Variants in TRDN observed in about 807,000 individuals in gnomAD.
TRDN encodes triadin, also known as triadin in skeletal muscle.
Under a neutral mutation model 149.7 loss-of-function variants are expected in TRDN, and 161 were observed. The observed-to-expected ratio is 1.08, with a 90% CI of 0.95 to 1.23. The LOEUF (loss-of-function observed/expected upper bound fraction) is 1.23. TRDN is among the 50% of genes most tolerant of loss of function. TRDN has a pLI of 0.00. For missense variants in TRDN, 896 were observed against 823.5 expected, an observed-to-expected ratio of 1.09 and a Z score of -1.08; for synonymous variants, 294 against 250.5, an observed-to-expected ratio of 1.17 and a Z score of -1.64.
chr6:123,510,108 T>C (rs1231709700), intron 7 of TRDN: 1 of 152,232 alleles, frequency 6.6e-6, no homozygotes, highest in Non-Finnish European at 1.5e-5. Flanking sequence ...TCACTTGCAT[T>C]TATGAAACAG....
chr6:123,608,741 C>T (rs1784640752), intron 1 of TRDN, among the ~76,000 whole-genome samples: 1 of 152,050 alleles, frequency 6.6e-6, no homozygotes, highest in South Asian at 2.1e-4. Flanking sequence ...AACTGGGATA[C>T]GTTTTCTGGG....
intron 12 of TRDN, among the ~76,000 whole-genome samples, chr6:123,406,101 C>T (rs1381981790): frequency 6.6e-6 from 1 of 152,096 alleles, no homozygotes; most frequent in Non-Finnish European, 1.5e-5. Context: ...AGCACAAATG[C>T]ACAGATTAAA....
At chr6:123,328,811 G>T (rs1238096455) in intron 23 of TRDN, among the ~76,000 whole-genome samples, 1 of 152,058 alleles carries the variant, frequency 6.6e-6, no homozygotes, top group Non-Finnish European at 1.5e-5. Flanking sequence ...ATTGAGACTT[G>T]TGTAAAATCC....
chr6:123,475,354 C>A (rs1234372771), intron 9 of TRDN, among the ~76,000 whole-genome samples: 1 of 141,034 alleles, frequency 7.1e-6, no homozygotes, highest in Non-Finnish European at 1.5e-5. Context: ...CAAGACTAAA[C>A]CAGGAAGAAG....
chr6:123,415,840 A>G (rs544046028), intron 12 of TRDN, among the ~76,000 whole-genome samples: 36 of 152,326 alleles, frequency 2.4e-4, no homozygotes, highest in African/African-American at 8.7e-4. Flanking sequence ...CTACTGGGCT[A>G]AACTAAAAGA....
At chr6:123,548,697 T>A in intron 2 of TRDN, 85 bp from the exon 3 acceptor site, 1 of 1,142,940 alleles carries the variant, frequency 8.7e-7, no homozygotes, top group Non-Finnish European at 1.1e-6. Context: ...ACTGATTTGT[T>A]GTTTTGACAA....
chr6:123,416,698 C>CTT (rs139842688), intron 12 of TRDN, among the ~76,000 whole-genome samples: 4,659 of 146,142 alleles, frequency 0.032, 253 homozygotes, highest in African/African-American at 0.099. Flanking sequence ...TTCTTTTCCT[C>CTT]TTTTTTTCTT....
At chr6:123,349,810 T>C in intron 21 of TRDN, 2 of 985,220 alleles carry the variant, frequency 2.0e-6, no homozygotes, top group Non-Finnish European at 2.4e-6. Context: ...GACCAGTGCA[T>C]ACACAAAGAA....
chr6:123,560,258 A>G (rs6903803), intron 2 of TRDN, among the ~76,000 whole-genome samples: 6,155 of 152,082 alleles, frequency 0.04, 198 homozygotes, highest in African/African-American at 0.09. Flanking sequence ...TGCCCCCTCC[A>G]CTACCTCTCA....
intron 38 of TRDN, among the ~76,000 whole-genome samples, chr6:123,237,135 ATTTATACAT>A (rs550384778): frequency 1.2e-3 from 159 of 137,050 alleles, no homozygotes; most frequent in African/African-American, 5.7e-3. Flanking sequence ...TTTATACATA[ATTTATACAT>A]AAGTATTTCA....
chr6:123,561,651 C>G (rs1272773459), intron 2 of TRDN, among the ~76,000 whole-genome samples: 1 of 152,136 alleles, frequency 6.6e-6, no homozygotes, highest in Non-Finnish European at 1.5e-5. Context: ...TTCTCCTTCT[C>G]TTATTCCATT....
intron 5 of TRDN, among the ~76,000 whole-genome samples, chr6:123,526,991 C>T (rs996155530): frequency 6.6e-6 from 1 of 151,866 alleles, no homozygotes; most frequent in Admixed American, 6.6e-5. Context: ...TTATTTAATT[C>T]TTATGACAAC....
At chr6:123,284,837 A>G (rs1485781837) in intron 24 of TRDN, among the ~76,000 whole-genome samples, 1 of 152,114 alleles carries the variant, frequency 6.6e-6, no homozygotes, top group Non-Finnish European at 1.5e-5. Context: ...AAATTAATGT[A>G]CACACATCAG....
At chr6:123,248,080 C>A (rs1776248704) in intron 38 of TRDN, among the ~76,000 whole-genome samples, 1 of 152,052 alleles carries the variant, frequency 6.6e-6, no homozygotes, top group African/African-American at 2.4e-5. Context: ...CTTCCTTACA[C>A]CTTATACAAA....
At chr6:123,334,157 A>C (rs1451621737) in intron 22 of TRDN, among the ~76,000 whole-genome samples, 1 of 151,956 alleles carries the variant, frequency 6.6e-6, no homozygotes, top group Non-Finnish European at 1.5e-5. Context: ...TGAATTGTTG[A>C]GTGGAAATGG....
chr6:123,288,739 G>T (rs944180050), intron 24 of TRDN, among the ~76,000 whole-genome samples: 1 of 152,084 alleles, frequency 6.6e-6, no homozygotes, highest in Non-Finnish European at 1.5e-5. Context: ...GTGTTGATGA[G>T]AATGAGGAGA....
At chr6:123,264,138 T>G (rs1776860790) in intron 33 of TRDN, among the ~76,000 whole-genome samples, 1 of 152,060 alleles carries the variant, frequency 6.6e-6, no homozygotes, top group African/African-American at 2.4e-5. Context: ...AATAAGTACA[T>G]TTCATAAGGC....
At chr6:123,528,455 C>T (rs12194340) in intron 5 of TRDN, among the ~76,000 whole-genome samples, 46,807 of 151,726 alleles carry the variant, frequency 0.31, 7,623 homozygotes, top group Admixed American at 0.44. Context: ...TGTCATCCCA[C>T]AAAACACACC....
intron 17 of TRDN, 49 bp downstream of exon 17, chr6:123,377,817 C>G (rs755217092): frequency 6.2e-7 from 1 of 1,602,818 alleles, no homozygotes; most frequent in South Asian, 1.1e-5. Flanking sequence ...AATTGCAAAT[C>G]AAATAATATT....
Sources: allele counts gnomAD v4.1 joint callset (sites outside exome capture counted in the v4.1 genomes callset), GRCh38; gene constraint gnomAD v4.1.1; transcripts MANE v1.5; gene names NCBI Gene and HGNC (gene_info 2026-07-23, HGNC 2026-07-21).